COL5A3: variants seen among roughly 807,000 people sequenced by gnomAD.
COL5A3 encodes collagen alpha-3(V) chain.
COL5A3 carries 172 observed loss-of-function variants against 250.0 expected under a neutral mutation model. The observed-to-expected ratio is 0.69, with a 90% CI of 0.61 to 0.78. COL5A3 has a LOEUF of 0.78. Ranked by LOEUF, COL5A3 falls within the 30% of genes least tolerant of loss-of-function variation. The pLI, the probability that COL5A3 is intolerant of heterozygous loss-of-function variation, is 0.00. For synonymous variants in COL5A3, 937 were observed against 900.4 expected (o/e 1.04, Z -0.73); for missense variants, 2,340 against 2,334.4 (o/e 1.00, Z -0.05).
intron 31 of COL5A3, among the ~76,000 whole-genome samples, chr19:9,982,996 C>T (rs145755760): frequency 6.6e-6 from 1 of 152,184 alleles, no homozygotes; most frequent in Admixed American, 6.5e-5. Flanking sequence ...GCTGGGACTA[C>T]AGGTTCACGC....
rs1000917709 is a variant in COL5A3, at chr19:9,966,555, G to T, written c.4650C>A (p.Asn1550Lys). 6.5e-7 allele frequency: 1 copy of T among 1,544,190 alleles called. No homozygotes were observed. Among genetic ancestry groups the T allele is most frequent in the Admixed American group, 2.0e-5 (1 of 51,058 alleles). ...PGLVCHELHR[N>K]HPHLPDGEYW... ...CCTCACCATCAGGCAGGTGCGGGTG[G>T]TTGCGGTGCAGCTCGTGGCACACGA... The change falls in exon 63 of 67, where the codon AAC becomes AAA. Residue 1550 changes from asparagine to lysine, a missense_variant. Transcript: ENST00000264828.
At position 9,959,833 on chromosome 19, in the gene COL5A3, G is replaced by C. The variant is rs2086646684; in HGVS notation, c.*578C>G. 6.5e-6 allele frequency: 1 copy of C among 153,664 alleles called. No homozygotes were observed. Among genetic ancestry groups the C allele is most frequent in the African/African-American group, 2.4e-5 (1 of 41,328 alleles). The allele number at this position is 153,664 out of a possible 1,614,324, so 9.5% of individuals were successfully genotyped here. A position where few individuals can be genotyped will look rare whatever the true frequency, so the allele number is the denominator to read the frequency against. ...TGAGCCTGGGGAGGTGGGGGGCAGG[G>C]GGAGGGGATTTGCAGAGCTGGGCTG... On this transcript the variant is annotated 3_prime_UTR_variant, in exon 67 of 67. Coordinates refer to ENST00000264828, the MANE Select transcript of COL5A3 (RefSeq NM_015719.4).
At position 9,996,418 on chromosome 19, in the gene COL5A3, A is replaced by C; in HGVS notation, c.1422+15T>G. On this transcript the variant is annotated intron_variant, in intron 13 of 66. Transcript: ENST00000264828. ...CTCTGGGGTTCCTCCCACTATGTCCACACCTCCCACTCACCTGAGTCTGCT... is the reference window on the plus strand; with the variant it reads ...CTCTGGGGTTCCTCCCACTATGTCCCCACCTCCCACTCACCTGAGTCTGCT... 1 of 1,612,882 alleles carries C rather than the reference A, an allele frequency of 6.2e-7. No homozygotes were observed. Among genetic ancestry groups the C allele is most frequent in the Non-Finnish European group, 8.5e-7 (1 of 1,179,572 alleles).
chr19:9,985,955 G>C, intron 30 of COL5A3, 60 bp from the exon 31 acceptor site: 1 of 1,518,684 alleles, frequency 6.6e-7, no homozygotes, highest in Non-Finnish European at 9.1e-7. Flanking sequence ...GAGGCGGAAA[G>C]GTCAGGCTGG....
rs1217617969 is a variant in COL5A3, at chr19:9,966,759, G to A, written c.4459-13C>T. The A allele has an allele frequency of 6.5e-7, 1 of 1,527,920 alleles. No individual in the cohort carries two copies. Among genetic ancestry groups the A allele is most frequent in the Non-Finnish European group, 8.8e-7 (1 of 1,141,154 alleles). 94.6% of individuals were successfully genotyped at this position (1,527,920 alleles called of 1,614,324 possible). ...CGGCAGGGGCACCCTGGGCGTAGGG[G>A]ATGGGGACGGAGAAGAGAGGGGAGA... On this transcript the variant is annotated splice_polypyrimidine_tract_variant and intron_variant, in intron 62 of 66. Coordinates refer to ENST00000264828, the MANE Select transcript of COL5A3 (RefSeq NM_015719.4).
chr19:9,988,985 C>T (rs752144632), intron 27 of COL5A3, 139 bp downstream of exon 27: 2 of 840,126 alleles, frequency 2.4e-6, no homozygotes, highest in Non-Finnish European at 4.0e-6. Context: ...GGCTGTGCAG[C>T]TCCAAACCCC....
intron 50 of COL5A3, among the ~76,000 whole-genome samples, chr19:9,973,269 T>C (rs1445824256): frequency 6.6e-6 from 1 of 151,998 alleles, no homozygotes; most frequent in Non-Finnish European, 1.5e-5. Context: ...TGCCCTTGAG[T>C]GAATTAGAAG....
chr19:10,003,806 T>C, intron 5 of COL5A3, 92 bp from the exon 6 acceptor site: 1 of 1,529,200 alleles, frequency 6.5e-7, no homozygotes, highest in South Asian at 1.2e-5. Context: ...TCATGGCCCG[T>C]GGGTCCTCAC....
In COL5A3 at chr19:9,986,767, T is replaced by TAAAA. The variant is rs34667697; in HGVS notation, c.2146-13_2146-10dup. 0.024 allele frequency: 35,799 copies of TAAAA among 1,479,598 alleles called. 153 individuals are homozygous for TAAAA. The highest frequency in any genetic ancestry group is 0.11 in the East Asian group (4,467 of 41,868). 91.7% of individuals were successfully genotyped at this position (1,479,598 alleles called of 1,614,324 possible). On this transcript the variant is annotated splice_polypyrimidine_tract_variant and intron_variant, in intron 27 of 66. Coordinates refer to ENST00000264828, the MANE Select transcript of COL5A3 (RefSeq NM_015719.4). Reference sequence around the variant, plus strand: ...CGGTTGCCTGAAGTGCCCTGGAAAATAAAAAAAAAAAGCTCTCAAGCCTCT... The same window carrying TAAAA: ...CGGTTGCCTGAAGTGCCCTGGAAAATAAAAAAAAAAAAAAAGCTCTCAAGCCTCT...
chr19:9,968,617 G>A lies in COL5A3; in HGVS notation c.4206+58C>T, dbSNP rs2086788258. 2.8e-5 allele frequency: 45 copies of A among 1,590,112 alleles called. No individual in the cohort carries two copies. The highest frequency in any genetic ancestry group is 3.9e-5 in the Non-Finnish European group (45 of 1,160,466). On this transcript the variant is annotated intron_variant, in intron 58 of 66. Transcript: ENST00000264828. The surrounding 1 kb of genome is among the most constrained non-coding windows in gnomAD (Gnocchi z 4.1). Reference sequence around the variant, plus strand: ...CACCAATCTCCCAGCCCCCCAGCCAGGGAGGGAGGGAAAGAGGGGAGGAGA... The same window carrying A: ...CACCAATCTCCCAGCCCCCCAGCCAAGGAGGGAGGGAAAGAGGGGAGGAGA...
At chr19:9,988,473 C>A (rs988825363) in intron 27 of COL5A3, among the ~76,000 whole-genome samples, 6 of 152,076 alleles carry the variant, frequency 3.9e-5, no homozygotes, top group African/African-American at 1.4e-4. Context: ...CTCTATTTAG[C>A]CAGGTTGCAG....
At chr19:9,965,044 G>A (rs1478478030) in intron 64 of COL5A3, among the ~76,000 whole-genome samples, 1 of 151,572 alleles carries the variant, frequency 6.6e-6, no homozygotes, top group African/African-American at 2.4e-5. Context: ...GACAGACTCT[G>A]TCTCACACAC....
Position 9,996,226 on chromosome 19 carries a change from T to G in COL5A3, c.1459A>C (p.Thr487Pro), listed in dbSNP as rs775013468. The G allele has an allele frequency of 6.3e-7, 1 of 1,576,968 alleles. No individual in the cohort carries two copies. The highest frequency in any genetic ancestry group is 8.6e-7 in the Non-Finnish European group (1 of 1,163,742). The change falls in exon 14 of 67, where the codon ACT becomes CCT. Residue 487 changes from threonine to proline, a missense_variant. Transcript: ENST00000264828. ...CTCACCACAGGGCCTGGGCGCCCAGTGAGCCCCACTGGACCAGGGGGGCCT... is the reference window on the plus strand; with the variant it reads ...CTCACCACAGGGCCTGGGCGCCCAGGGAGCCCCACTGGACCAGGGGGGCCT... The part of the protein sequence containing the change: ...MKGPPGPVGL[T>P]GRPGPVGLPG...
intron 1 of COL5A3, among the ~76,000 whole-genome samples, chr19:10,007,570 C>T (rs973366915): frequency 1.3e-5 from 2 of 152,224 alleles, no homozygotes; most frequent in African/African-American, 4.8e-5. Context: ...TCCCCCATCC[C>T]CCAACCCTCA....
Position 9,968,668 on chromosome 19 carries a change from T to C in COL5A3, c.4206+7A>G. The C allele has an allele frequency of 6.2e-7, 1 of 1,607,268 alleles. No individual in the cohort carries two copies. Among genetic ancestry groups the C allele is most frequent in the Non-Finnish European group, 8.5e-7 (1 of 1,177,290 alleles). On this transcript the variant is annotated splice_region_variant and intron_variant, in intron 58 of 66. Transcript: ENST00000264828. This position sits in a 1 kb window ranked among gnomAD's most constrained non-coding sequence, Gnocchi z 4.1. ...TGGGGAAGAGAATAATGGAATGATGTCCTTACCTTTTCCCCCTTGGGGCCA... is the reference window on the plus strand; with the variant it reads ...TGGGGAAGAGAATAATGGAATGATGCCCTTACCTTTTCCCCCTTGGGGCCA...
chr19:9,972,104 G>T (rs2086856123), intron 51 of COL5A3, among the ~76,000 whole-genome samples: 1 of 151,560 alleles, frequency 6.6e-6, no homozygotes, highest in South Asian at 2.1e-4. Flanking sequence ...TGTCCATTCG[G>T]CCACTCATTC....
chr19:9,985,661 C>T (rs1244955976), intron 31 of COL5A3, among the ~76,000 whole-genome samples, 181 bp downstream of exon 31: 1 of 152,158 alleles, frequency 6.6e-6, no homozygotes, highest in Non-Finnish European at 1.5e-5. Flanking sequence ...TCACCTCAGC[C>T]TCTCAGGGTG....
Position 9,960,885 on chromosome 19 carries a change from G to T in COL5A3, c.4857C>A (p.Ser1619=). The change falls in exon 66 of 67, where the codon TCC becomes TCA. Residue 1619 remains serine (S), a synonymous_variant. Transcript: ENST00000264828. ...CTGGGGACCCGTCGGCGTCCACGTA[G>T]GAGAACTGGTGAGAGGAGGGCAAGG... The part of the protein sequence containing the change: ...YSTFRRGKKF[S]YVDADGSPVN... The T allele has an allele frequency of 6.2e-7, 1 of 1,604,350 alleles. No homozygotes were observed.
intron 27 of COL5A3, among the ~76,000 whole-genome samples, chr19:9,987,517 G>A (rs895906161): frequency 6.6e-6 from 1 of 152,008 alleles, no homozygotes; most frequent in Non-Finnish European, 1.5e-5. Flanking sequence ...CTGGAGGATT[G>A]CTTGAGCCCA....
Sources: allele counts gnomAD v4.1 joint callset (sites outside exome capture counted in the v4.1 genomes callset), GRCh38; gene constraint gnomAD v4.1.1; non-coding constraint Gnocchi (gnomAD v3.1); transcripts MANE v1.5; gene names NCBI Gene and HGNC (gene_info 2026-07-23, HGNC 2026-07-21).